CFAP299: variants seen among roughly 807,000 people sequenced by gnomAD.
CFAP299 encodes the protein cilia- and flagella-associated protein 299.
In CFAP299, 21 loss-of-function variants were observed where a neutral mutation model predicts 27.0. The ratio of observed to expected loss-of-function variants is 0.78; its 90% CI spans 0.55 to 1.12. CFAP299 has a LOEUF of 1.12. Among genes scored for constraint, CFAP299 ranks in the 50% most tolerant of loss-of-function variants. The pLI is 0.00. For synonymous variants in CFAP299, 104 were observed against 98.1 expected (o/e 1.06, Z -0.36); for missense variants, 310 against 276.6 (o/e 1.12, Z -0.86).
At chr4:80,766,572 A>C (rs527620539) in intron 3 of CFAP299, among the ~76,000 whole-genome samples, 21 of 152,274 alleles carry the variant, frequency 1.4e-4, no homozygotes, top group Admixed American at 4.6e-4. Flanking sequence ...GAGGAATATT[A>C]TTCTTCTTTT....
chr4:80,347,118 G>T (rs1326448402), intron 1 of CFAP299, among the ~76,000 whole-genome samples: 1 of 152,130 alleles, frequency 6.6e-6, no homozygotes, highest in Non-Finnish European at 1.5e-5. Flanking sequence ...TTTGCACATT[G>T]ATTTTGTATC....
intron 3 of CFAP299, among the ~76,000 whole-genome samples, chr4:80,668,855 G>T (rs1214473004): frequency 6.6e-6 from 1 of 152,064 alleles, no homozygotes; most frequent in Non-Finnish European, 1.5e-5. Flanking sequence ...TGTGAAGCAT[G>T]ACATTGTTTT....
intron 2 of CFAP299, among the ~76,000 whole-genome samples, chr4:80,471,910 G>A (rs867294368): frequency 6.6e-6 from 1 of 152,154 alleles, no homozygotes; most frequent in Non-Finnish European, 1.5e-5. Flanking sequence ...TCCTTCACTC[G>A]CAGCTTTCGG....
At chr4:80,734,078 C>T (rs567460891) in intron 3 of CFAP299, among the ~76,000 whole-genome samples, 1 of 152,164 alleles carries the variant, frequency 6.6e-6, no homozygotes, top group South Asian at 2.1e-4. Context: ...ATTTATATTC[C>T]CACCAACAGT....
At position 80,564,528 on chromosome 4, in the gene CFAP299, C is replaced by T. The variant is rs143915959; in HGVS notation, c.243-18565C>T. On this transcript the variant is annotated intron_variant, in intron 2 of 5. Transcript: ENST00000358105. ...AAATCTGGGGACACAAGGAACATAA[C>T]TCAACATAATAAAAGCCATGTATGA... 6.7e-3 allele frequency among the ~76,000 whole-genome samples: 1,017 copies of T among 151,990 alleles called. 4 individuals carry two copies. Among genetic ancestry groups the T allele is most frequent in the Non-Finnish European group, 9.3e-3 (630 of 67,876 alleles).
intron 3 of CFAP299, among the ~76,000 whole-genome samples, chr4:80,867,219 C>G (rs1345353181): frequency 2.6e-5 from 4 of 152,040 alleles, no homozygotes; most frequent in African/African-American, 4.8e-5. Flanking sequence ...TAGTGAAGCT[C>G]CATCCCTAGT....
At chr4:80,455,278 C>A (rs773488274) in intron 2 of CFAP299, among the ~76,000 whole-genome samples, 2 of 152,136 alleles carry the variant, frequency 1.3e-5, no homozygotes, top group Non-Finnish European at 2.9e-5. Flanking sequence ...AAATTAGTTT[C>A]GCCTACACCC....
chr4:80,516,750 G>A (rs1249557698), intron 2 of CFAP299, among the ~76,000 whole-genome samples: 5 of 152,112 alleles, frequency 3.3e-5, no homozygotes, highest in African/African-American at 2.4e-5. Context: ...AGGAAATTTC[G>A]TTATATCTGA....
chr4:80,902,596 C>T lies in CFAP299; in HGVS notation c.476+32461C>T, dbSNP rs1370393384. On this transcript the variant is annotated intron_variant, in intron 4 of 5. Coordinates refer to ENST00000358105, the MANE Select transcript of CFAP299 (RefSeq NM_152770.3). ...TATATATGTAATATATACACACACACACACACACACACACACACACACACA... is the reference window on the plus strand; with the variant it reads ...TATATATGTAATATATACACACACATACACACACACACACACACACACACA... Among the ~76,000 whole-genome samples the T allele has an allele frequency of 4.1e-3, 592 of 145,154 alleles. 7 individuals carry two copies. The highest frequency in any genetic ancestry group is 0.021 in the South Asian group (97 of 4,570).
At chr4:80,498,909 C>T (rs1221472483) in intron 2 of CFAP299, among the ~76,000 whole-genome samples, 1 of 152,118 alleles carries the variant, frequency 6.6e-6, no homozygotes, top group Non-Finnish European at 1.5e-5. Context: ...GAATATTATA[C>T]AGCCATAAAC....
chr4:80,569,214 T>C (rs1735461029), intron 2 of CFAP299, among the ~76,000 whole-genome samples: 1 of 152,096 alleles, frequency 6.6e-6, no homozygotes. Flanking sequence ...AGTGTTTCAT[T>C]TGTTTTCTGT....
intron 4 of CFAP299, among the ~76,000 whole-genome samples, chr4:80,895,369 T>C (rs930784679): frequency 3.9e-5 from 6 of 152,012 alleles, no homozygotes; most frequent in African/African-American, 1.4e-4. Context: ...CTTCAACTCA[T>C]ATTAATTTGA....
chr4:80,767,235 G>C (rs1006954723), intron 3 of CFAP299, among the ~76,000 whole-genome samples: 4 of 151,974 alleles, frequency 2.6e-5, no homozygotes, highest in African/African-American at 9.7e-5. Flanking sequence ...GTTAATAATG[G>C]TGACTATTAA....
intron 3 of CFAP299, among the ~76,000 whole-genome samples, chr4:80,797,263 C>T (rs1474638935): frequency 6.6e-6 from 1 of 152,070 alleles, no homozygotes; most frequent in Non-Finnish European, 1.5e-5. Flanking sequence ...CTCAAGGGGA[C>T]CCAGCTTCCA....
At chr4:80,535,899 C>T (rs1303710740) in intron 2 of CFAP299, among the ~76,000 whole-genome samples, 5 of 152,110 alleles carry the variant, frequency 3.3e-5, no homozygotes, top group Admixed American at 3.3e-4. Flanking sequence ...AATGTGAAAA[C>T]TATATTTTGT....
intron 4 of CFAP299, chr4:80,871,403 A>G: frequency 1.0e-6 from 1 of 985,462 alleles, no homozygotes; most frequent in Non-Finnish European, 1.2e-6. Context: ...GGTACTGCTG[A>G]AGGAAATTTT....
intron 1 of CFAP299, among the ~76,000 whole-genome samples, chr4:80,351,487 T>G (rs1723012879): frequency 6.6e-6 from 1 of 151,650 alleles, no homozygotes; most frequent in Admixed American, 6.6e-5. Context: ...GACATATAAC[T>G]AAAAATGTAA....
At chr4:80,436,545 A>G (rs1578440865) in intron 2 of CFAP299, among the ~76,000 whole-genome samples, 2 of 151,780 alleles carry the variant, frequency 1.3e-5, no homozygotes, top group African/African-American at 2.4e-5. Context: ...CTCATGATCC[A>G]CCCGCCTTGG....
At chr4:80,747,348 T>G (rs1358698456) in intron 3 of CFAP299, among the ~76,000 whole-genome samples, 2 of 152,056 alleles carry the variant, frequency 1.3e-5, no homozygotes, top group South Asian at 4.1e-4. Flanking sequence ...AGCAATACAG[T>G]GCACTATTAT....
Sources: gnomAD v4.1 joint callset for allele counts (sites outside exome capture counted in the v4.1 genomes callset) on GRCh38, gnomAD v4.1.1 for gene constraint, MANE v1.5 for transcripts, NCBI Gene and HGNC (gene_info 2026-07-23, HGNC 2026-07-21) for gene names.